The following HAUS6 variants were observed in gnomAD, a reference collection of about 807,000 sequenced individuals.
The protein encoded by HAUS6 is HAUS augmin-like complex subunit 6.
A neutral mutation model predicts 106.8 loss-of-function variants in HAUS6; 80 were observed. That is an observed-to-expected ratio of 0.75 (90% CI 0.63 to 0.90). The LOEUF (loss-of-function observed/expected upper bound fraction) is 0.90. HAUS6 is among the 40% of genes least tolerant of loss of function. The probability of loss-of-function intolerance (pLI) is 0.00; values close to 1 mark genes in which losing one functional copy is unlikely to be tolerated. For synonymous variants in HAUS6, 356 were observed against 379.1 expected (o/e 0.94, Z 0.71); for missense variants, 1,155 against 1,118.1 (o/e 1.03, Z -0.47).
chr9:19,071,869 CA>C (rs1239449038), intron 11 of HAUS6, among the ~76,000 whole-genome samples: 1 of 151,496 alleles, frequency 6.6e-6, no homozygotes, highest in Non-Finnish European at 1.5e-5. Flanking sequence ...CACGCCCAGC[CA>C]AAGAAAAACC....
chr9:19,074,697 C>T (rs185290395), intron 11 of HAUS6, among the ~76,000 whole-genome samples: 218 of 152,240 alleles, frequency 1.4e-3, no homozygotes, highest in Non-Finnish European at 2.6e-3. Flanking sequence ...ATTACCTATC[C>T]CAGTGATTAA....
At chr9:19,089,647 G>A (rs1817703841) in intron 4 of HAUS6, 88 bp from the exon 5 acceptor site, 1 of 909,014 alleles carries the variant, frequency 1.1e-6, no homozygotes, top group Admixed American at 2.8e-5. Flanking sequence ...CACTAACGTT[G>A]GTGGTATACA....
intron 9 of HAUS6, among the ~76,000 whole-genome samples, chr9:19,078,906 G>T: frequency 6.8e-6 from 1 of 147,930 alleles, no homozygotes; most frequent in Admixed American, 6.8e-5. Context: ...TATAATCCCA[G>T]AACTTTGGGA....
intron 12 of HAUS6, among the ~76,000 whole-genome samples, chr9:19,068,254 C>G (rs1402891991): frequency 6.6e-6 from 1 of 152,062 alleles, no homozygotes. Context: ...TCTCTTAACA[C>G]CAGGTCCTCA....
chr9:19,097,061 T>C (rs562796755), intron 1 of HAUS6, among the ~76,000 whole-genome samples: 2 of 152,300 alleles, frequency 1.3e-5, no homozygotes, highest in East Asian at 1.9e-4. Flanking sequence ...ACATGCCTTA[T>C]AATGGTAACA....
chr9:19,066,037 G>A (rs1371305927), intron 12 of HAUS6, among the ~76,000 whole-genome samples: 1 of 148,736 alleles, frequency 6.7e-6, no homozygotes, highest in African/African-American at 2.5e-5. Context: ...CTGGGTTCAA[G>A]CACTTCTCCT....
intron 5 of HAUS6, 35 bp downstream of exon 5, chr9:19,089,377 A>C (rs41269007): frequency 0.12 from 174,624 of 1,405,958 alleles, 11,308 homozygotes; most frequent in Admixed American, 0.14. Flanking sequence ...TTCAAAAGAA[A>C]GAAATTATTT....
intron 11 of HAUS6, among the ~76,000 whole-genome samples, chr9:19,074,362 C>G (rs977415615): frequency 1.3e-5 from 2 of 152,070 alleles, no homozygotes; most frequent in Non-Finnish European, 2.9e-5. Context: ...GCCTTGAACT[C>G]CCGGGCTCAA....
In HAUS6 at chr9:19,055,074, G is replaced by C. The variant is rs1836439716; in HGVS notation, c.*1269C>G. On this transcript the variant is annotated 3_prime_UTR_variant, in exon 17 of 17. Coordinates refer to ENST00000380502, the MANE Select transcript of HAUS6 (RefSeq NM_017645.5). ...TTTCTTTTGTCTTTTCTCACAAAAA[G>C]ATGGGTCTTCACACTGGGACAGGAC... is the stretch of plus-strand genomic sequence containing the variant. The C allele has an allele frequency of 6.6e-6, 1 of 152,168 alleles. No individual in the cohort carries two copies. The highest frequency in any genetic ancestry group is 1.5e-5 in the Non-Finnish European group (1 of 68,040). 9.4% of individuals were successfully genotyped at this position (152,168 alleles called of 1,614,324 possible).
chr9:19,092,856 C>A (rs537544294), intron 4 of HAUS6, among the ~76,000 whole-genome samples: 7 of 144,722 alleles, frequency 4.8e-5, no homozygotes, highest in Non-Finnish European at 1.0e-4. Flanking sequence ...ACCTGGGAGG[C>A]AGAGGTTGGA....
At chr9:19,084,251 A>C (rs1411685531) in intron 7 of HAUS6, among the ~76,000 whole-genome samples, 2 of 152,218 alleles carry the variant, frequency 1.3e-5, no homozygotes. Context: ...TGTTGAGCCA[A>C]AGTCAGACAC....
chr9:19,063,970 A>AT (rs34187338), intron 12 of HAUS6, among the ~76,000 whole-genome samples: 7,547 of 135,742 alleles, frequency 0.056, 228 homozygotes, highest in African/African-American at 0.08. Context: ...CCTTTATTTT[A>AT]TTTTTTTTTT....
intron 9 of HAUS6, among the ~76,000 whole-genome samples, chr9:19,078,548 G>A (rs1837062987): frequency 1.3e-5 from 2 of 152,154 alleles, no homozygotes; most frequent in African/African-American, 2.4e-5. Context: ...AGCAGTTTGG[G>A]AGGCCAAGGC....
chr9:19,085,369 T>C (rs1466839160), intron 7 of HAUS6, among the ~76,000 whole-genome samples: 1 of 152,214 alleles, frequency 6.6e-6, no homozygotes, highest in Non-Finnish European at 1.5e-5. Context: ...CAGAGATTCA[T>C]TAAATGGAAA....
intron 11 of HAUS6, among the ~76,000 whole-genome samples, chr9:19,075,424 G>A (rs967734469): frequency 5.3e-5 from 8 of 152,142 alleles, no homozygotes; most frequent in Admixed American, 1.3e-4. Flanking sequence ...AAAATTGAAC[G>A]CTGATACATG....
At chr9:19,089,870 T>C (rs896046009) in intron 4 of HAUS6, among the ~76,000 whole-genome samples, 1 of 152,170 alleles carries the variant, frequency 6.6e-6, no homozygotes, top group South Asian at 2.1e-4. Context: ...TCTCACTCTA[T>C]TGCCCAGGCT....
At chr9:19,089,581 T>C (rs1179384892) in intron 4 of HAUS6, 22 bp from the exon 5 acceptor site, 2 of 1,589,198 alleles carry the variant, frequency 1.3e-6, no homozygotes, top group Non-Finnish European at 1.7e-6. Flanking sequence ...ACAAATAAGA[T>C]TATAGAAAAC....
At chr9:19,095,299 T>C (rs1817838571) in intron 2 of HAUS6, among the ~76,000 whole-genome samples, 1 of 152,144 alleles carries the variant, frequency 6.6e-6, no homozygotes, top group Non-Finnish European at 1.5e-5. Flanking sequence ...ATTTTTATTC[T>C]GAGGCATAAT....
chr9:19,058,099 C>A lies in HAUS6; in HGVS notation c.2668G>T (p.Glu890Ter). Residue 890 changes from glutamate to a stop codon, truncating the protein, a stop_gained, in exon 16 of 17, where the codon GAG becomes TAG. Coordinates refer to ENST00000380502, the MANE Select transcript of HAUS6 (RefSeq NM_017645.5). LOFTEE classifies it high-confidence loss of function. ...GTGCGTAAAGATGGCTTTATATGCT[C>A]AGTATGCAAATCACAGGTGTCCAAA... is the stretch of plus-strand genomic sequence containing the variant. Reference protein sequence around the residue: ...NFLDTCDLHTEHIKPSLRTSI... With the variant: ...NFLDTCDLHT 2.5e-6 allele frequency: 4 copies of A among 1,614,092 alleles called. No individual in the cohort carries two copies. In the South Asian group the frequency reaches 4.4e-5, roughly 18 times the overall value.
Sources: gnomAD v4.1 joint callset for allele counts (sites outside exome capture counted in the v4.1 genomes callset) on GRCh38, gnomAD v4.1.1 for gene constraint, MANE v1.5 for transcripts, NCBI Gene and HGNC (gene_info 2026-07-23, HGNC 2026-07-21) for gene names.